Variants in GPRASP3 observed in about 807,000 individuals in gnomAD.
The protein encoded by GPRASP3 is G protein-coupled receptor associated sorting protein family member 3, also known as G protein-coupled receptor associated sorting protein 3.
the GPRASP3 span, among the ~76,000 whole-genome samples, chrX:102,736,332 C>T: frequency 1.3e-3 from 146 of 112,264 alleles, 2 homozygotes; most frequent in Admixed American, 0.012. Flanking sequence ...TATTTTTTAA[C>T]ACCAATTAAT....
At chrX:102,749,047 G>T in the GPRASP3 span, 11 of 1,209,553 alleles carry the variant, frequency 9.1e-6, no homozygotes, top group African/African-American at 1.7e-5. Flanking sequence ...TGAAAAAAAG[G>T]CTGCTATACA....
At chrX:102,724,881 C>A in the GPRASP3 span, among the ~76,000 whole-genome samples, 1 of 110,615 alleles carries the variant, frequency 9.0e-6, no homozygotes, top group Non-Finnish European at 1.9e-5. Flanking sequence ...TTCCTTCTCC[C>A]TTTTTTGATA....
chrX:102,737,230 C>T, the GPRASP3 span, among the ~76,000 whole-genome samples: 1 of 112,235 alleles, frequency 8.9e-6, no homozygotes, highest in African/African-American at 3.2e-5. Context: ...CATAGTGTTC[C>T]TAAGAAAATC....
At chrX:102,729,776 A>C in the GPRASP3 span, among the ~76,000 whole-genome samples, 1 of 111,933 alleles carries the variant, frequency 8.9e-6, no homozygotes, top group African/African-American at 3.3e-5. Context: ...AGGCTGAGGC[A>C]GGAGAATCGC....
chrX:102,724,585 T>G, the GPRASP3 span, among the ~76,000 whole-genome samples: 1 of 111,296 alleles, frequency 9.0e-6, no homozygotes, highest in African/African-American at 3.3e-5. Context: ...TTGTGGGTAT[T>G]GCATTTATAT....
chrX:102,722,655 A>G, the GPRASP3 span, among the ~76,000 whole-genome samples: 1 of 111,467 alleles, frequency 9.0e-6, no homozygotes, highest in Non-Finnish European at 1.9e-5. Context: ...GTCATCTCGG[A>G]ACATAAAAAA....
chrX:102,728,707 A>G, the GPRASP3 span, among the ~76,000 whole-genome samples: 1 of 107,241 alleles, frequency 9.3e-6, no homozygotes, highest in Non-Finnish European at 1.9e-5. Context: ...GTGAGCCACC[A>G]CACCCAGCCC....
At chrX:102,745,256 G>C in the GPRASP3 span, among the ~76,000 whole-genome samples, 1 of 111,270 alleles carries the variant, frequency 9.0e-6, no homozygotes, top group African/African-American at 3.3e-5. Context: ...CTGTGGGGAC[G>C]GCGCAATGCC....
At chrX:102,728,567 TGC>T in the GPRASP3 span, among the ~76,000 whole-genome samples, 1 of 95,616 alleles carries the variant, frequency 1.0e-5, no homozygotes, top group Admixed American at 1.1e-4. Flanking sequence ...CAATGTGCAC[TGC>T]TTTTTTTTTT....
chrX:102,737,692 T>C, the GPRASP3 span, among the ~76,000 whole-genome samples: 2 of 111,770 alleles, frequency 1.8e-5, no homozygotes, highest in Non-Finnish European at 3.8e-5. Context: ...CTTTTTTCCA[T>C]TTCATGGAAA....
the GPRASP3 span, among the ~76,000 whole-genome samples, chrX:102,725,046 G>C: frequency 9.0e-6 from 1 of 111,227 alleles, no homozygotes; most frequent in Non-Finnish European, 1.9e-5. Context: ...AATTTCAAAA[G>C]AGCAACCTTC....
At chrX:102,728,985 G>T in the GPRASP3 span, among the ~76,000 whole-genome samples, 1 of 112,257 alleles carries the variant, frequency 8.9e-6, no homozygotes, top group African/African-American at 3.2e-5. Context: ...AACAGAAACT[G>T]CTAGAGACAT....
At chrX:102,742,625 T>C in the GPRASP3 span, among the ~76,000 whole-genome samples, 1 of 112,124 alleles carries the variant, frequency 8.9e-6, no homozygotes, top group Non-Finnish European at 1.9e-5. Flanking sequence ...TCAGGGATTC[T>C]CTGGAGGGGG....
chrX:102,730,763 G>A, the GPRASP3 span, among the ~76,000 whole-genome samples: 1 of 111,234 alleles, frequency 9.0e-6, no homozygotes, highest in South Asian at 3.8e-4. Flanking sequence ...TAAGGAAAAT[G>A]TGTAATATCT....
At chrX:102,723,096 C>T in the GPRASP3 span, among the ~76,000 whole-genome samples, 1 of 111,397 alleles carries the variant, frequency 9.0e-6, no homozygotes, top group Non-Finnish European at 1.9e-5. Flanking sequence ...TAAATATGTA[C>T]AAATATTGCA....
the GPRASP3 span, among the ~76,000 whole-genome samples, chrX:102,722,172 A>C: frequency 9.0e-6 from 1 of 111,238 alleles, no homozygotes; most frequent in Non-Finnish European, 1.9e-5. Context: ...ATGGATCTCC[A>C]TGTCACCCAC....
chrX:102,745,077 G>T, the GPRASP3 span, among the ~76,000 whole-genome samples: 1 of 111,211 alleles, frequency 9.0e-6, no homozygotes, highest in Non-Finnish European at 1.9e-5. Context: ...GTTGAGGAGC[G>T]CAGCTGGAAT....
the GPRASP3 span, among the ~76,000 whole-genome samples, chrX:102,725,160 AT>A: frequency 9.0e-6 from 1 of 111,644 alleles, no homozygotes; most frequent in Non-Finnish European, 1.9e-5. Flanking sequence ...CTCTCATAAC[AT>A]TCTTCCAAGT....
chrX:102,725,489 C>T, the GPRASP3 span, among the ~76,000 whole-genome samples: 1 of 109,891 alleles, frequency 9.1e-6, no homozygotes, highest in Non-Finnish European at 1.9e-5. Flanking sequence ...ATTCTTTGTA[C>T]TTACACAATA....
Sources: allele counts gnomAD v4.1 joint callset (sites outside exome capture counted in the v4.1 genomes callset), GRCh38; gene constraint gnomAD v4.1.1; transcripts MANE v1.5; gene names NCBI Gene and HGNC (gene_info 2026-07-23, HGNC 2026-07-21).